PHC2: variants seen among roughly 807,000 people sequenced by gnomAD.
PHC2 encodes polyhomeotic-like protein 2.
In PHC2, 29 loss-of-function variants were observed where a neutral mutation model predicts 87.4. The observed-to-expected ratio is 0.33, with a 90% CI of 0.25 to 0.45. PHC2 has a LOEUF of 0.45. PHC2 is among the 20% of genes least tolerant of loss of function. PHC2 has a pLI of 1.00. For synonymous variants in PHC2, 438 were observed against 461.7 expected (o/e 0.95, Z 0.66); for missense variants, 857 against 1,136.7 (o/e 0.75, Z 3.54).
At chr1:33,394,547 A>G (rs1457932560) in intron 1 of PHC2, among the ~76,000 whole-genome samples, 2 of 152,128 alleles carry the variant, frequency 1.3e-5, no homozygotes, top group Non-Finnish European at 2.9e-5. Flanking sequence ...TAGGGGGAGC[A>G]GAGAGGCAAT....
At chr1:33,356,273 A>ATATATATATATATATATG (rs1214385469) in intron 7 of PHC2, among the ~76,000 whole-genome samples, 1 of 94,504 alleles carries the variant, frequency 1.1e-5, no homozygotes, top group African/African-American at 3.7e-5. Context: ...ATATATATAT[A>ATATATATATATATATATG]TATGTATATA....
intron 1 of PHC2, among the ~76,000 whole-genome samples, chr1:33,410,639 G>A (rs1233909262): frequency 6.6e-6 from 1 of 152,150 alleles, no homozygotes; most frequent in African/African-American, 2.4e-5. Flanking sequence ...GAGGCAATGG[G>A]CAGACTAAGC....
chr1:33,367,960 A>C (rs1439368253), intron 6 of PHC2, among the ~76,000 whole-genome samples: 1 of 152,140 alleles, frequency 6.6e-6, no homozygotes, highest in African/African-American at 2.4e-5. Flanking sequence ...TGCTGGACAC[A>C]GGGAGGCTGT....
Position 33,346,265 on chromosome 1 carries a change from C to A in PHC2, c.1558+8136G>T, listed in dbSNP as rs990943361. ...GAGGGTGGGCAGGCTCAGAGGGGCA[C>A]CTCACTCCAGGACAGTCTCCTGAGG... On this transcript the variant is annotated intron_variant, in intron 9 of 14. Transcript: ENST00000683057. 7.0e-5 allele frequency: 69 copies of A among 985,324 alleles called. No individual in the cohort carries two copies. The African/African-American group carries it at 1.2e-3, about 17-fold the overall frequency. The allele number at this position is 985,324 out of a possible 1,614,324, so 61.0% of individuals were successfully genotyped here. A position where few individuals can be genotyped will look rare whatever the true frequency, so the allele number is the denominator to read the frequency against.
intron 9 of PHC2, among the ~76,000 whole-genome samples, chr1:33,338,283 GGTT>G (rs566926761): frequency 2.2e-4 from 33 of 152,294 alleles, no homozygotes; most frequent in Non-Finnish European, 4.1e-4. Context: ...TGGAATTTGA[GGTT>G]GTTTTTTAAA....
intron 1 of PHC2, among the ~76,000 whole-genome samples, chr1:33,391,491 C>T (rs916616478): frequency 6.6e-6 from 1 of 152,132 alleles, no homozygotes; most frequent in Non-Finnish European, 1.5e-5. Context: ...CCACTGGAGA[C>T]AGCAAATCAC....
intron 1 of PHC2, among the ~76,000 whole-genome samples, chr1:33,426,631 T>G (rs1650683010): frequency 6.6e-6 from 1 of 152,210 alleles, no homozygotes; most frequent in Non-Finnish European, 1.5e-5. Flanking sequence ...TGCCTCTTTA[T>G]TCTCTATTCT....
intron 9 of PHC2, among the ~76,000 whole-genome samples, chr1:33,343,682 G>A (rs1391119719): frequency 6.6e-6 from 1 of 152,166 alleles, no homozygotes; most frequent in African/African-American, 2.4e-5. Flanking sequence ...TGAGACCTGT[G>A]AGAAGATTAG....
In PHC2 at chr1:33,349,716, GCCGGGGC is replaced by G. The variant is rs1557827177; in HGVS notation, c.1558+4678_1558+4684del. 1 of 994,202 alleles carries G rather than the reference GCCGGGGC, an allele frequency of 1.0e-6. No individual in the cohort carries two copies. Among genetic ancestry groups the G allele is most frequent in the African/African-American group, 1.8e-5 (1 of 56,888 alleles). The allele number at this position is 994,202 out of a possible 1,614,324, so 61.6% of individuals were successfully genotyped here. On this transcript the variant is annotated intron_variant, in intron 9 of 14. Transcript: ENST00000683057. The surrounding 1 kb of genome is among the most constrained non-coding windows in gnomAD (Gnocchi z 4.2). Reference sequence around the variant, plus strand: ...CCTCCTCTCCGCCGGGAGCCTCCGAGCCGGGGCCCGGGGCTGCCGCGGCGCATCCGAC... The same window carrying G: ...CCTCCTCTCCGCCGGGAGCCTCCGAGCCGGGGCTGCCGCGGCGCATCCGAC...
chr1:33,355,003 A>G lies in PHC2; in HGVS notation c.1227T>C (p.Cys409=). ...GPVTPALPLQ[C]PTANLHKPGG... ...CAGGCTTGTGCAGGTTGGCAGTGGGACACTGGAGTGGCAGGGCGGGTGTAA... is the reference window on the plus strand; with the variant it reads ...CAGGCTTGTGCAGGTTGGCAGTGGGGCACTGGAGTGGCAGGGCGGGTGTAA... Residue 409 remains cysteine, a synonymous_variant, in exon 8 of 15, where the codon TGT becomes TGC. Transcript: ENST00000683057. 1 of 1,614,140 alleles carries G rather than the reference A, an allele frequency of 6.2e-7. No individual in the cohort carries two copies. Among genetic ancestry groups the G allele is most frequent in the Non-Finnish European group, 8.5e-7 (1 of 1,180,030 alleles).
intron 2 of PHC2, among the ~76,000 whole-genome samples, chr1:33,373,196 C>T (rs1487521711): frequency 6.6e-6 from 1 of 152,170 alleles, no homozygotes; most frequent in Non-Finnish European, 1.5e-5. Flanking sequence ...CGGCTCACTG[C>T]AACCTCTGCC....
intron 1 of PHC2, among the ~76,000 whole-genome samples, chr1:33,422,255 A>G (rs1650462393): frequency 7.0e-6 from 1 of 143,674 alleles, no homozygotes; most frequent in Non-Finnish European, 1.5e-5. Context: ...ACCATAATTA[A>G]TGTTTCCATG....
intron 1 of PHC2, among the ~76,000 whole-genome samples, chr1:33,396,511 GA>G (rs1649301828): frequency 6.6e-6 from 1 of 152,170 alleles, no homozygotes; most frequent in South Asian, 2.1e-4. Context: ...ATATCATATT[GA>G]TTACCAGTTT....
chr1:33,349,798 G>C lies in PHC2; in HGVS notation c.1558+4603C>G. 9.2e-6 allele frequency: 9 copies of C among 977,304 alleles called. No individual in the cohort carries two copies. Among genetic ancestry groups the C allele is most frequent in the Non-Finnish European group, 1.1e-5 (9 of 825,426 alleles). The allele number at this position is 977,304 out of a possible 1,614,324, so 60.5% of individuals were successfully genotyped here. A position where few individuals can be genotyped will look rare whatever the true frequency, so the allele number is the denominator to read the frequency against. On this transcript the variant is annotated intron_variant, in intron 9 of 14. Transcript: ENST00000683057. The surrounding 1 kb of genome is among the most constrained non-coding windows in gnomAD (Gnocchi z 4.2). ...AAAGGGCGGCCGGGGCGCGAGGCCG[G>C]GACGGGGGCGCGAGGCCGGGGCGGG...
At position 33,368,213 on chromosome 1, in the gene PHC2, A is replaced by AAGC. The variant is rs997073442; in HGVS notation, c.663+320_663+322dup. On this transcript the variant is annotated intron_variant, in intron 6 of 14. Coordinates refer to ENST00000683057, the MANE Select transcript of PHC2 (RefSeq NM_001385109.1). The surrounding 1 kb of genome is among the most constrained non-coding windows in gnomAD (Gnocchi z 6.6). Reference sequence around the variant, plus strand: ...ACCGGAGCGGGACTTTCCACTTATGAAGCAGCAGCAGCCAGACCAGCTATG... The same window carrying AAGC: ...ACCGGAGCGGGACTTTCCACTTATGAAGCAGCAGCAGCAGCCAGACCAGCTATG... Among the ~76,000 whole-genome samples, 7 of 152,292 alleles carry AAGC rather than the reference A, an allele frequency of 4.6e-5. No homozygotes were observed. The East Asian group carries it at 7.7e-4, about 17-fold the overall frequency.
rs1646333236 is a variant in PHC2, at chr1:33,324,713, G to A, written c.*152C>T. ...AAATGAAAGGCCCCTGAGAGCCATG[G>A]AGGAGGTGCCCAGACCTCCTCACCA... On this transcript the variant is annotated 3_prime_UTR_variant, in exon 15 of 15. Transcript: ENST00000683057. 4.4e-6 allele frequency: 3 copies of A among 677,520 alleles called. No homozygotes were observed. Among genetic ancestry groups the A allele is most frequent in the South Asian group, 2.6e-5 (1 of 38,110 alleles). The allele number at this position is 677,520 out of a possible 1,614,324, so 42.0% of individuals were successfully genotyped here.
chr1:33,364,192 G>GA lies in PHC2; in HGVS notation c.976+2923dup, dbSNP rs967544903. Among the ~76,000 whole-genome samples, 3 of 151,926 alleles carry GA rather than the reference G, an allele frequency of 2.0e-5. No homozygotes were observed. Among genetic ancestry groups the GA allele is most frequent in the Non-Finnish European group, 4.4e-5 (3 of 67,986 alleles). The stretch of plus-strand genomic sequence containing the variant: ...CTGGAGGGTCTGCCTGCTCTGGGAG[G>GA]AAACAGCCCCCAGGAGAACACATTC... On this transcript the variant is annotated intron_variant, in intron 7 of 14. Transcript: ENST00000683057. The surrounding 1 kb of genome is among the most constrained non-coding windows in gnomAD (Gnocchi z 4.1).
rs544111536 is a variant in PHC2, at chr1:33,397,690, GC to G, written c.-54-22098del. Among the ~76,000 whole-genome samples, 9 of 152,170 alleles carry G rather than the reference GC, an allele frequency of 5.9e-5. No homozygotes were observed. In the East Asian group the frequency reaches 1.7e-3, roughly 30 times the overall value. Reference sequence around the variant, plus strand: ...GGTCTCAGTGGGTGATTTTGGCTCTGCCTCAGGGTACATCCACCATGCACTT... The same window carrying G: ...GGTCTCAGTGGGTGATTTTGGCTCTGCTCAGGGTACATCCACCATGCACTT... On this transcript the variant is annotated intron_variant, in intron 1 of 14. Transcript: ENST00000683057.
rs34468965 is a variant in PHC2 at position 33,364,390 on chromosome 1, T to TCA, written c.976+2724_976+2725dup. Among the ~76,000 whole-genome samples, 49 of 106,788 alleles carry TCA rather than the reference T, an allele frequency of 4.6e-4. 1 individual carries two copies. The highest frequency in any genetic ancestry group is 2.2e-3 in the African/African-American group (45 of 20,782). The allele number at this position is 106,788 out of a possible 152,430, so 70.1% of individuals were successfully genotyped here. On this transcript the variant is annotated intron_variant, in intron 7 of 14. Coordinates refer to ENST00000683057, the MANE Select transcript of PHC2 (RefSeq NM_001385109.1). The surrounding 1 kb of genome is among the most constrained non-coding windows in gnomAD (Gnocchi z 4.1). ...CACACACACACACACACACTTGCTT[T>TCA]CACACACACACACACACACACACAC...
Sources: gnomAD v4.1 joint callset for allele counts (sites outside exome capture counted in the v4.1 genomes callset) on GRCh38, gnomAD v4.1.1 for gene constraint, Gnocchi (gnomAD v3.1) non-coding constraint, MANE v1.5 for transcripts, NCBI Gene and HGNC (gene_info 2026-07-23, HGNC 2026-07-21) for gene names.